Variants in SAMMSON observed in about 807,000 individuals in gnomAD.
SAMMSON encodes long intergenic non-protein coding RNA 1212.
chr3:70,376,254 G>A (rs897837752), intron 9 of SAMMSON, among the ~76,000 whole-genome samples: 4 of 152,184 alleles, frequency 2.6e-5, no homozygotes, highest in African/African-American at 9.6e-5. Flanking sequence ...AATTTCCTTT[G>A]AGTTAACTAA....
At chr3:70,054,078 C>T (rs546381377) in intron 3 of SAMMSON, among the ~76,000 whole-genome samples, 47 of 152,180 alleles carry the variant, frequency 3.1e-4, no homozygotes, top group South Asian at 4.2e-4. Flanking sequence ...AATTTTCTTA[C>T]GTTGAGTATG....
chr3:70,166,393 C>T (rs188147638), intron 4 of SAMMSON, among the ~76,000 whole-genome samples: 39 of 152,072 alleles, frequency 2.6e-4, no homozygotes, highest in African/African-American at 7.2e-4. Flanking sequence ...ATAGCAGTTA[C>T]CCCTGGGCAA....
intron 3 of SAMMSON, among the ~76,000 whole-genome samples, chr3:70,041,468 G>T (rs149398369): frequency 1.1e-4 from 16 of 152,140 alleles, no homozygotes; most frequent in African/African-American, 3.6e-4. Flanking sequence ...AGGATCTCCA[G>T]GTCTCAGTTT....
chr3:70,200,678 A>G (rs1271637153), intron 4 of SAMMSON, among the ~76,000 whole-genome samples: 2 of 152,184 alleles, frequency 1.3e-5, no homozygotes, highest in African/African-American at 4.8e-5. Flanking sequence ...TCCTCCTATT[A>G]GAATCTACGT....
At chr3:70,080,793 A>G (rs1169496220) in intron 4 of SAMMSON, among the ~76,000 whole-genome samples, 2 of 152,082 alleles carry the variant, frequency 1.3e-5, no homozygotes, top group Non-Finnish European at 2.9e-5. Flanking sequence ...CAAATGTGGT[A>G]AAATCAATAT....
intron 4 of SAMMSON, among the ~76,000 whole-genome samples, chr3:70,149,856 A>G (rs1277345092): frequency 6.6e-6 from 1 of 152,030 alleles, no homozygotes; most frequent in African/African-American, 2.4e-5. Context: ...TGTGGCCCCA[A>G]GTTACAACCC....
At chr3:70,057,220 G>T (rs1366996740) in intron 3 of SAMMSON, among the ~76,000 whole-genome samples, 2 of 151,952 alleles carry the variant, frequency 1.3e-5, no homozygotes, top group Non-Finnish European at 2.9e-5. Context: ...TTGTTATTGG[G>T]GAAAGGGGGT....
intron 4 of SAMMSON, among the ~76,000 whole-genome samples, chr3:70,113,463 A>C (rs1268657459): frequency 6.6e-6 from 1 of 152,220 alleles, no homozygotes; most frequent in Non-Finnish European, 1.5e-5. Flanking sequence ...TGGCTTTAAA[A>C]ATTTTAGATA....
intron 2 of SAMMSON, among the ~76,000 whole-genome samples, chr3:70,395,331 C>CTTTTTT (rs71126501): frequency 6.8e-4 from 77 of 113,600 alleles, no homozygotes; most frequent in African/African-American, 1.9e-3. Context: ...CTCTCTCTCT[C>CTTTTTT]TTTTTTTTTT....
intron 9 of SAMMSON, among the ~76,000 whole-genome samples, chr3:70,383,218 A>G (rs893185387): frequency 2.0e-5 from 3 of 151,956 alleles, no homozygotes; most frequent in Non-Finnish European, 4.4e-5. Context: ...ATAATTAATT[A>G]TATATAAAAA....
chr3:70,337,001 A>G (rs1702666632), intron 7 of SAMMSON, among the ~76,000 whole-genome samples: 1 of 146,740 alleles, frequency 6.8e-6, no homozygotes, highest in African/African-American at 2.5e-5. Flanking sequence ...TTTAATAATA[A>G]TATCTAACTT....
At chr3:70,333,848 G>A (rs890366677) in intron 7 of SAMMSON, among the ~76,000 whole-genome samples, 14 of 152,190 alleles carry the variant, frequency 9.2e-5, no homozygotes, top group Non-Finnish European at 1.8e-4. Context: ...AGCATGTGAA[G>A]AAACTGCTAG....
intron 4 of SAMMSON, among the ~76,000 whole-genome samples, chr3:70,079,407 A>G (rs764747871): frequency 9.9e-5 from 15 of 152,170 alleles, no homozygotes; most frequent in Admixed American, 3.3e-4. Flanking sequence ...TGCTGCCTCT[A>G]TAAGTATGGA....
At chr3:70,180,774 G>C (rs376499378) in intron 4 of SAMMSON, among the ~76,000 whole-genome samples, 11 of 152,308 alleles carry the variant, frequency 7.2e-5, no homozygotes, top group African/African-American at 9.6e-5. Context: ...CAGACAGACT[G>C]TTCCTGCCCT....
At chr3:70,268,396 A>G (rs1009674321) in intron 6 of SAMMSON, among the ~76,000 whole-genome samples, 1 of 146,326 alleles carries the variant, frequency 6.8e-6, no homozygotes, top group African/African-American at 2.5e-5. Flanking sequence ...AATCACTTGA[A>G]CCCGGGAGGC....
chr3:70,324,017 C>T (rs1210543227), intron 7 of SAMMSON, among the ~76,000 whole-genome samples: 1 of 152,052 alleles, frequency 6.6e-6, no homozygotes, highest in African/African-American at 2.4e-5. Context: ...TACATTCATT[C>T]GTCCCTTCCT....
At chr3:70,131,377 C>T (rs527238087) in intron 4 of SAMMSON, among the ~76,000 whole-genome samples, 1 of 152,306 alleles carries the variant, frequency 6.6e-6, no homozygotes, top group Admixed American at 6.5e-5. Context: ...TAGAAGCAAT[C>T]CCCAACCCCA....
At chr3:70,212,827 A>G (rs889705342) in intron 4 of SAMMSON, among the ~76,000 whole-genome samples, 3 of 151,942 alleles carry the variant, frequency 2.0e-5, no homozygotes, top group Non-Finnish European at 2.9e-5. Flanking sequence ...TCACTCTGTC[A>G]CCCAGGCTGG....
At chr3:70,062,346 A>C (rs1335560752) in intron 3 of SAMMSON, among the ~76,000 whole-genome samples, 3 of 152,104 alleles carry the variant, frequency 2.0e-5, no homozygotes, top group Non-Finnish European at 4.4e-5. Context: ...GAACCACATG[A>C]GAATGCACAT....
Sources: gnomAD v4.1 joint callset for allele counts (sites outside exome capture counted in the v4.1 genomes callset) on GRCh38, gnomAD v4.1.1 for gene constraint, MANE v1.5 for transcripts, NCBI Gene and HGNC (gene_info 2026-07-23, HGNC 2026-07-21) for gene names.